SRR: variants seen among roughly 807,000 people sequenced by gnomAD.
SRR encodes serine racemase.
In SRR, 19 loss-of-function variants were observed where a neutral mutation model predicts 32.7. The ratio of observed to expected loss-of-function variants is 0.58; its 90% CI spans 0.40 to 0.85. The LOEUF (loss-of-function observed/expected upper bound fraction) is 0.85, where lower values mean the gene tolerates loss of function less well. Among genes scored for constraint, SRR ranks in the 40% least tolerant of loss-of-function variants. The probability of loss-of-function intolerance (pLI) is 0.00; values close to 1 mark genes in which losing one functional copy is unlikely to be tolerated. For missense variants in SRR, 373 were observed against 404.7 expected, an observed-to-expected ratio of 0.92 and a Z score of 0.67; for synonymous variants, 142 against 140.9, an observed-to-expected ratio of 1.01 and a Z score of -0.06.
intron 1 of SRR, among the ~76,000 whole-genome samples, chr17:2,304,264 T>C (rs1208440703): frequency 6.7e-6 from 1 of 149,938 alleles, no homozygotes; most frequent in East Asian, 1.9e-4. Context: ...CTTTTTTTTT[T>C]AGTTGGAGTC....
chr17:2,303,611 G>A, upstream of SRR: 2 of 1,431,128 alleles, frequency 1.4e-6, no homozygotes, highest in African/African-American at 1.5e-5. Context: ...GCCCGGCCCA[G>A]GAGCTGGGCG....
At chr17:2,306,662 A>C in intron 1 of SRR, 1 of 401,014 alleles carries the variant, frequency 2.5e-6, no homozygotes, top group East Asian at 5.3e-5. Context: ...GGCTGCAGTG[A>C]GCCGAGATCA....
chr17:2,311,275 C>T (rs1697564304), intron 1 of SRR, among the ~76,000 whole-genome samples: 1 of 152,088 alleles, frequency 6.6e-6, no homozygotes, highest in Non-Finnish European at 1.5e-5. Flanking sequence ...CAGCCTTGAA[C>T]TCCTGGGTTT....
intron 6 of SRR, among the ~76,000 whole-genome samples, chr17:2,322,072 C>T (rs111405344): frequency 0.2 from 31,085 of 152,192 alleles, 3,505 homozygotes; most frequent in Admixed American, 0.31. Flanking sequence ...TGAGCCACTG[C>T]GCCCGGCCTA....
Position 2,315,489 on chromosome 17 carries a change from C to T in SRR, c.-4-68C>T, listed in dbSNP as rs929318568. 31 of 1,473,400 alleles carry T rather than the reference C, an allele frequency of 2.1e-5. No homozygotes were observed. The Admixed American group carries it at 5.1e-4, about 24-fold the overall frequency. The allele number at this position is 1,473,400 out of a possible 1,614,324, so 91.3% of individuals were successfully genotyped here. A position where few individuals can be genotyped will look rare whatever the true frequency, so the allele number is the denominator to read the frequency against. ...CCAGGTCTATTCTGTTACGTATTTT[C>T]AAAATCTCTTCAATAAACATACTGT... On this transcript the variant is annotated intron_variant, in intron 1 of 7. Transcript: ENST00000344595.
intron 1 of SRR, among the ~76,000 whole-genome samples, chr17:2,313,420 C>T (rs1020404747): frequency 3.8e-5 from 5 of 132,366 alleles, no homozygotes; most frequent in African/African-American, 1.4e-4. Flanking sequence ...CAGAGCAAGA[C>T]TCTCTCAAAA....
At chr17:2,315,463 C>T in intron 1 of SRR, 94 bp from the exon 2 acceptor site, 1 of 1,210,438 alleles carries the variant, frequency 8.3e-7, no homozygotes, top group East Asian at 2.5e-5. Flanking sequence ...CACCACAGGC[C>T]CCAGGTCTAT....
chr17:2,303,540 C>G, upstream of SRR: 1 of 1,339,744 alleles, frequency 7.5e-7, no homozygotes, highest in South Asian at 1.9e-5. Context: ...GCGGGGGCTC[C>G]GGAGCCGAGG....
chr17:2,307,149 A>T (rs1185813424), intron 1 of SRR: 18 of 1,292,422 alleles, frequency 1.4e-5, no homozygotes, highest in Non-Finnish European at 1.5e-5. Flanking sequence ...AGTATGGAAA[A>T]ACTGAAGTGA....
intron 6 of SRR, chr17:2,322,796 G>A (rs1013693718): frequency 2.0e-5 from 6 of 301,294 alleles, no homozygotes; most frequent in East Asian, 8.6e-5. Context: ...GATTACAGGC[G>A]TGAGCCACTG....
At position 2,324,876 on chromosome 17, in the gene SRR, G is replaced by A. The variant is rs761000717; in HGVS notation, c.*1003G>A. 6.3e-7 allele frequency: 1 copy of A among 1,575,016 alleles called. No homozygotes were observed. The highest frequency in any genetic ancestry group is 8.6e-7 in the Non-Finnish European group (1 of 1,165,238). The stretch of plus-strand genomic sequence containing the variant: ...GCTATTTAGGAATTTACAGGCCAAA[G>A]TCTTCATTTATTGCCCAGTCCATTT... On this transcript the variant is annotated 3_prime_UTR_variant, in exon 8 of 8. Coordinates refer to ENST00000344595, the MANE Select transcript of SRR (RefSeq NM_021947.3).
chr17:2,303,926 G>C (rs1597253016), upstream of SRR: 1 of 438,824 alleles, frequency 2.3e-6, no homozygotes, highest in Non-Finnish European at 4.0e-6. Flanking sequence ...GCGAGAGCCT[G>C]GGTGGGGCGG....
chr17:2,320,689 G>C (rs2075520733), intron 4 of SRR, among the ~76,000 whole-genome samples: 2 of 152,102 alleles, frequency 1.3e-5, no homozygotes, highest in Admixed American at 1.3e-4. Context: ...AGCCACCAGA[G>C]TAGCTGGGAT....
At chr17:2,317,847 A>G in intron 2 of SRR, 23 bp from the exon 3 acceptor site, 1 of 1,604,088 alleles carries the variant, frequency 6.2e-7, no homozygotes, top group East Asian at 2.2e-5. Context: ...CAAATATGTG[A>G]ATTCACCATC....
At position 2,324,070 on chromosome 17, in the gene SRR, G is replaced by T; in HGVS notation, c.*197G>T. 1 of 1,353,162 alleles carries T rather than the reference G, an allele frequency of 7.4e-7. No individual in the cohort carries two copies. The highest frequency in any genetic ancestry group is 1.0e-6 in the Non-Finnish European group (1 of 997,076). The allele number at this position is 1,353,162 out of a possible 1,614,324, so 83.8% of individuals were successfully genotyped here. ...GACATTTTGTCAAGGCTAAAAAAAAGTCTTGCAAAATGGGGCAGTGGACTG... is the reference window on the plus strand; with the variant it reads ...GACATTTTGTCAAGGCTAAAAAAAATTCTTGCAAAATGGGGCAGTGGACTG... On this transcript the variant is annotated 3_prime_UTR_variant, in exon 8 of 8. Transcript: ENST00000344595.
chr17:2,323,366 G>C (rs1162899574), intron 7 of SRR, 21 bp downstream of exon 7: 1 of 1,613,466 alleles, frequency 6.2e-7, no homozygotes, highest in South Asian at 1.1e-5. Flanking sequence ...AGCAAGAAAA[G>C]AAATAGCAAA....
At chr17:2,312,191 G>A (rs1317360888) in intron 1 of SRR, among the ~76,000 whole-genome samples, 2 of 148,760 alleles carry the variant, frequency 1.3e-5, no homozygotes, top group Non-Finnish European at 3.0e-5. Context: ...ACACCAGCCT[G>A]GACAACAGAG....
chr17:2,315,805 C>T, intron 2 of SRR, 77 bp downstream of exon 2: 1 of 1,372,460 alleles, frequency 7.3e-7, no homozygotes, highest in African/African-American at 1.4e-5. Context: ...CCTGACCACC[C>T]AATGAGATAG....
chr17:2,322,150 G>C (rs1193494847), intron 6 of SRR, among the ~76,000 whole-genome samples: 2 of 152,006 alleles, frequency 1.3e-5, no homozygotes, highest in Non-Finnish European at 2.9e-5. Context: ...AGGTTGGTCT[G>C]GAACTCCTGG....
Sources: gnomAD v4.1 joint callset for allele counts (sites outside exome capture counted in the v4.1 genomes callset) on GRCh38, gnomAD v4.1.1 for gene constraint, MANE v1.5 for transcripts, NCBI Gene and HGNC (gene_info 2026-07-23, HGNC 2026-07-21) for gene names.